The following FAM193A variants were observed in gnomAD, a reference collection of about 807,000 sequenced individuals.
FAM193A encodes the protein protein FAM193A.
Under a neutral mutation model 126.5 loss-of-function variants are expected in FAM193A, and 22 were observed. That is an observed-to-expected ratio of 0.17 (90% CI 0.12 to 0.25). The LOEUF (loss-of-function observed/expected upper bound fraction) is 0.25. FAM193A is among the 10% of genes least tolerant of loss of function. The pLI, the probability that FAM193A is intolerant of heterozygous loss-of-function variation, is 1.00. For synonymous variants in FAM193A, 761 were observed against 646.8 expected (o/e 1.18, Z -2.68); for missense variants, 1,675 against 1,672.8 (o/e 1.00, Z -0.02).
At chr4:2,611,777 G>A (rs1000391617) in intron 2 of FAM193A, among the ~76,000 whole-genome samples, 1 of 151,626 alleles carries the variant, frequency 6.6e-6, no homozygotes, top group African/African-American at 2.4e-5. Context: ...CGTGTGACTG[G>A]CATTTTCATT....
intron 1 of FAM193A, among the ~76,000 whole-genome samples, chr4:2,551,670 C>T (rs1353031612): frequency 1.3e-5 from 2 of 151,918 alleles, no homozygotes; most frequent in Non-Finnish European, 2.9e-5. Flanking sequence ...ACCTTTTATT[C>T]TTCCTTGCCA....
intron 2 of FAM193A, among the ~76,000 whole-genome samples, chr4:2,622,565 T>A (rs1742622185): frequency 6.6e-6 from 1 of 152,164 alleles, no homozygotes. Flanking sequence ...TGCTTTAGCA[T>A]GCTCAGGCTG....
At chr4:2,655,732 G>A (rs142076526) in intron 7 of FAM193A, among the ~76,000 whole-genome samples, 9,727 of 151,984 alleles carry the variant, frequency 0.064, 1,034 homozygotes, top group African/African-American at 0.22. Flanking sequence ...GGAGTTTGAG[G>A]CCAACCTGGG....
intron 13 of FAM193A, among the ~76,000 whole-genome samples, chr4:2,676,535 C>A (rs1287334946): frequency 6.6e-6 from 1 of 152,152 alleles, no homozygotes; most frequent in Non-Finnish European, 1.5e-5. Flanking sequence ...CATTTTAGTT[C>A]TCTTTCTATT....
Position 2,626,446 on chromosome 4 carries a change from G to A in FAM193A, c.672G>A (p.Gln224=), listed in dbSNP as rs1237858853. The part of the protein sequence containing the change: ...ISAEADREPQ[Q]LQNYWSEVRY... ...CAGAGGCGGACCGGGAACCTCAGCA[G>A]CTGCAGAACTACTGGTCAGAAGTGC... is the stretch of plus-strand genomic sequence containing the variant. Residue 224 remains glutamine, a synonymous_variant, in exon 4 of 21, where the codon CAG becomes CAA. Transcript: ENST00000637812. The A allele has an allele frequency of 2.9e-6, 2 of 700,694 alleles. No individual in the cohort carries two copies. Among genetic ancestry groups the A allele is most frequent in the Admixed American group, 4.0e-5 (2 of 49,998 alleles). The allele number at this position is 700,694 out of a possible 1,614,324, so 43.4% of individuals were successfully genotyped here.
intron 2 of FAM193A, among the ~76,000 whole-genome samples, chr4:2,596,581 T>C (rs926698284): frequency 6.6e-6 from 1 of 152,242 alleles, no homozygotes; most frequent in African/African-American, 2.4e-5. Context: ...AAGGGTGATT[T>C]TTGGCTTTGA....
chr4:2,679,860 A>ATTTTTT (rs35159259), intron 13 of FAM193A, among the ~76,000 whole-genome samples: 1 of 144,070 alleles, frequency 6.9e-6, no homozygotes, highest in Non-Finnish European at 1.5e-5. Flanking sequence ...TTATTGGGTG[A>ATTTTTT]TTTTTTTTTT....
At chr4:2,622,436 T>TG (rs1161144958) in intron 2 of FAM193A, among the ~76,000 whole-genome samples, 3 of 151,792 alleles carry the variant, frequency 2.0e-5, no homozygotes, top group African/African-American at 7.3e-5. Context: ...AGCGGAGACT[T>TG]GGGGGTCTTT....
chr4:2,676,163 T>C (rs1403143011), intron 13 of FAM193A, among the ~76,000 whole-genome samples: 1 of 152,224 alleles, frequency 6.6e-6, no homozygotes, highest in Non-Finnish European at 1.5e-5. Flanking sequence ...CTAGATCATA[T>C]GGTAATTGTA....
At chr4:2,654,056 T>G (rs1272059124) in intron 7 of FAM193A, among the ~76,000 whole-genome samples, 1 of 152,232 alleles carries the variant, frequency 6.6e-6, no homozygotes, top group Non-Finnish European at 1.5e-5. Context: ...GCTGTTTTAA[T>G]GCACTATTTA....
chr4:2,545,584 T>A (rs1003394194), intron 1 of FAM193A, among the ~76,000 whole-genome samples: 2 of 152,188 alleles, frequency 1.3e-5, no homozygotes, highest in Non-Finnish European at 2.9e-5. Context: ...TTGCTGGGTG[T>A]ACTTCGATTT....
intron 1 of FAM193A, among the ~76,000 whole-genome samples, chr4:2,566,092 G>T (rs1356543614): frequency 1.3e-5 from 2 of 150,470 alleles, no homozygotes; most frequent in African/African-American, 2.5e-5. Flanking sequence ...CTGTCGCCCA[G>T]ACTGGAGTGC....
chr4:2,541,881 A>G (rs1235386016), intron 1 of FAM193A, among the ~76,000 whole-genome samples: 2 of 151,792 alleles, frequency 1.3e-5, no homozygotes, highest in Non-Finnish European at 2.9e-5. Flanking sequence ...CCCAGGCTGG[A>G]GTGCAGTGGC....
intron 2 of FAM193A, among the ~76,000 whole-genome samples, chr4:2,603,650 G>A (rs906389647): frequency 2.6e-5 from 4 of 151,144 alleles, no homozygotes; most frequent in African/African-American, 9.7e-5. Context: ...TAGTAGAGAC[G>A]GGGTTTCACC....
chr4:2,623,793 G>A (rs1742703242), intron 2 of FAM193A, among the ~76,000 whole-genome samples: 1 of 152,198 alleles, frequency 6.6e-6, no homozygotes, highest in African/African-American at 2.4e-5. Flanking sequence ...TCCTTGTGGG[G>A]ACCAGAGTGG....
intron 1 of FAM193A, among the ~76,000 whole-genome samples, chr4:2,545,991 T>C (rs1667847921): frequency 6.6e-6 from 1 of 151,920 alleles, no homozygotes. Context: ...CTACTAAAAA[T>C]ACAAAAATTA....
In FAM193A at chr4:2,558,316, TA is replaced by T. The variant is rs533762812; in HGVS notation, c.255+21148del. On this transcript the variant is annotated intron_variant, in intron 1 of 20. Transcript: ENST00000637812. ...AAGAAAAAAATAGTGTACTACAATC[TA>T]ATTACTTTTCCTAAAAATACTTGGT... Among the ~76,000 whole-genome samples, 684 of 151,954 alleles carry T rather than the reference TA, an allele frequency of 4.5e-3. 4 individuals are homozygous for T. The highest frequency in any genetic ancestry group is 6.6e-3 in the Non-Finnish European group (452 of 67,972).
chr4:2,673,153 ATTG>A (rs566320509), intron 13 of FAM193A, among the ~76,000 whole-genome samples: 67 of 151,716 alleles, frequency 4.4e-4, no homozygotes, highest in Admixed American at 7.9e-4. Flanking sequence ...CGTAATTCTG[ATTG>A]TTTTCTTTTT....
chr4:2,676,204 T>C (rs889065562), intron 13 of FAM193A, among the ~76,000 whole-genome samples: 5 of 152,252 alleles, frequency 3.3e-5, no homozygotes, highest in African/African-American at 1.2e-4. Flanking sequence ...TGCCACCGTT[T>C]CCTACAGTGG....
Sources: allele counts gnomAD v4.1 joint callset (sites outside exome capture counted in the v4.1 genomes callset), GRCh38; gene constraint gnomAD v4.1.1; transcripts MANE v1.5; gene names NCBI Gene and HGNC (gene_info 2026-07-23, HGNC 2026-07-21).